The following CD300LF variants were observed in gnomAD, a reference collection of about 807,000 sequenced individuals.
CD300LF encodes CD300 molecule like family member f.
In CD300LF, 27 loss-of-function variants were observed where a neutral mutation model predicts 32.2. The ratio of observed to expected loss-of-function variants is 0.84; its 90% CI spans 0.62 to 1.15. The LOEUF (loss-of-function observed/expected upper bound fraction) is 1.15, where lower values mean the gene tolerates loss of function less well. CD300LF is among the 50% of genes most tolerant of loss of function. The pLI is 0.00. For synonymous variants in CD300LF, 139 were observed against 143.2 expected, an observed-to-expected ratio of 0.97 and a Z score of 0.21; for missense variants, 348 against 356.8, an observed-to-expected ratio of 0.98 and a Z score of 0.20.
chr17:74,696,133 A>G, intron 5 of CD300LF, 62 bp downstream of exon 5: 6 of 1,560,924 alleles, frequency 3.8e-6, no homozygotes, highest in Non-Finnish European at 5.2e-6. Context: ...TGAGAGATGG[A>G]AAATGAGGAA....
Position 74,695,794 on chromosome 17 carries a change from G to A in CD300LF, c.648C>T (p.Ser216=). 6.2e-7 allele frequency: 1 copy of A among 1,614,184 alleles called. No individual in the cohort carries two copies. The highest frequency in any genetic ancestry group is 8.5e-7 in the Non-Finnish European group (1 of 1,180,018). The change falls in exon 6 of 7, where the codon TCC becomes TCT. Residue 216 remains serine, a synonymous_variant. Coordinates refer to ENST00000326165, the MANE Select transcript of CD300LF (RefSeq NM_139018.5). ...AAAGCTTCGTGGTAGCCTTTTGCGG[G>A]GAGGTTCCGGCCAGCTGCAGGGTCA... is the stretch of plus-strand genomic sequence containing the variant. ...ADLTLQLAGT[S]PQKATTKLSS...
intron 3 of CD300LF, among the ~76,000 whole-genome samples, chr17:74,702,650 C>A (rs191675435): frequency 2.0e-5 from 3 of 152,208 alleles, no homozygotes; most frequent in South Asian, 2.1e-4. Context: ...CATGACCCCA[C>A]GCCCACACTC....
intron 4 of CD300LF, among the ~76,000 whole-genome samples, chr17:74,698,152 G>A (rs2032684585): frequency 6.6e-6 from 1 of 152,232 alleles, no homozygotes; most frequent in Admixed American, 6.5e-5. Context: ...GGGAAGGACG[G>A]AGGTGCAGGG....
intron 3 of CD300LF, among the ~76,000 whole-genome samples, chr17:74,700,904 TTAA>T (rs2032994344): frequency 6.6e-6 from 1 of 151,546 alleles, no homozygotes; most frequent in Admixed American, 6.6e-5. Flanking sequence ...GTGATTGAGG[TTAA>T]GTGAGGTCAC....
At chr17:74,698,628 A>C in intron 3 of CD300LF, 147 bp from the exon 4 acceptor site, 1 of 1,476,974 alleles carries the variant, frequency 6.8e-7, no homozygotes, top group Non-Finnish European at 9.0e-7. Context: ...ACTCCTGGGG[A>C]TCCTCAAAGA....
At chr17:74,700,344 C>A (rs2032932401) in intron 3 of CD300LF, among the ~76,000 whole-genome samples, 1 of 152,100 alleles carries the variant, frequency 6.6e-6, no homozygotes, top group Non-Finnish European at 1.5e-5. Context: ...ATTCCAGGCA[C>A]ATCCCCACAT....
chr17:74,706,726 G>A (rs780516954), intron 1 of CD300LF, among the ~76,000 whole-genome samples: 8 of 152,122 alleles, frequency 5.3e-5, no homozygotes, highest in Non-Finnish European at 8.8e-5. Flanking sequence ...CCAACGGCGC[G>A]GACAGAGGGC....
chr17:74,708,343 G>A (rs1156369420), intron 1 of CD300LF, among the ~76,000 whole-genome samples: 4 of 151,920 alleles, frequency 2.6e-5, no homozygotes, highest in Non-Finnish European at 5.9e-5. Context: ...TACCAAACAC[G>A]TAAAGAAGAA....
intron 1 of CD300LF, among the ~76,000 whole-genome samples, chr17:74,708,048 T>C (rs2033655058): frequency 6.7e-6 from 1 of 149,050 alleles, no homozygotes; most frequent in Non-Finnish European, 1.5e-5. Context: ...CTTGGGAGAC[T>C]GAGACAGGAG....
intron 3 of CD300LF, among the ~76,000 whole-genome samples, chr17:74,701,979 A>C (rs1229442960): frequency 6.6e-6 from 1 of 151,998 alleles, no homozygotes; most frequent in African/African-American, 2.4e-5. Flanking sequence ...CCAAGATGGC[A>C]CCATGCACTC....
chr17:74,706,328 G>A (rs2033511397), intron 1 of CD300LF, among the ~76,000 whole-genome samples: 1 of 146,874 alleles, frequency 6.8e-6, no homozygotes, highest in African/African-American at 2.5e-5. Context: ...ATAGGTGTGA[G>A]CAACTGTGCC....
At chr17:74,709,864 T>C (rs374178620) in intron 1 of CD300LF, among the ~76,000 whole-genome samples, 2 of 152,104 alleles carry the variant, frequency 1.3e-5, no homozygotes. Context: ...TGAGCCATCA[T>C]GCATCACCAG....
At chr17:74,705,350 A>C (rs2033422297) in intron 1 of CD300LF, 1 of 664,890 alleles carries the variant, frequency 1.5e-6, no homozygotes, top group African/African-American at 1.8e-5. Context: ...AGTTGATCAA[A>C]ACAGCAACGG....
intron 1 of CD300LF, among the ~76,000 whole-genome samples, chr17:74,709,685 C>T (rs2033805171): frequency 6.6e-6 from 1 of 151,912 alleles, no homozygotes; most frequent in Non-Finnish European, 1.5e-5. Flanking sequence ...TTTGCTGTAA[C>T]CTCTTATGTA....
intron 3 of CD300LF, among the ~76,000 whole-genome samples, chr17:74,700,856 A>G: frequency 6.6e-6 from 1 of 151,904 alleles, no homozygotes; most frequent in African/African-American, 2.4e-5. Flanking sequence ...TTAGTATCTC[A>G]GAATGTGATT....
chr17:74,701,620 G>A (rs1375710289), intron 3 of CD300LF, among the ~76,000 whole-genome samples: 1 of 152,158 alleles, frequency 6.6e-6, no homozygotes, highest in Admixed American at 6.5e-5. Context: ...CACTTTGGGA[G>A]GCTGAGGTGG....
At chr17:74,702,084 G>C (rs1480455885) in intron 3 of CD300LF, among the ~76,000 whole-genome samples, 1 of 151,998 alleles carries the variant, frequency 6.6e-6, no homozygotes, top group Non-Finnish European at 1.5e-5. Flanking sequence ...AAATGGGAGA[G>C]GGGGAGTAGA....
chr17:74,705,806 G>A (rs2033457380), intron 1 of CD300LF, among the ~76,000 whole-genome samples: 1 of 152,146 alleles, frequency 6.6e-6, no homozygotes, highest in African/African-American at 2.4e-5. Context: ...TGTTGTCCAA[G>A]CTGGTCTCAA....
intron 1 of CD300LF, among the ~76,000 whole-genome samples, chr17:74,712,049 C>T (rs145139478): frequency 1.8e-4 from 27 of 151,538 alleles, no homozygotes; most frequent in African/African-American, 6.5e-4. Context: ...GTAGCTGGGA[C>T]CATAGGCACA....
Sources: gnomAD v4.1 joint callset for allele counts (sites outside exome capture counted in the v4.1 genomes callset) on GRCh38, gnomAD v4.1.1 for gene constraint, MANE v1.5 for transcripts, NCBI Gene and HGNC (gene_info 2026-07-23, HGNC 2026-07-21) for gene names.